Variants in CROT observed in about 807,000 individuals in gnomAD.
CROT encodes the protein carnitine O-octanoyltransferase.
A neutral mutation model predicts 89.2 loss-of-function variants in CROT; 84 were observed. That is an observed-to-expected ratio of 0.94 (90% CI 0.79 to 1.13). The LOEUF (loss-of-function observed/expected upper bound fraction) is 1.13. CROT is among the 50% of genes most tolerant of loss of function. The pLI, the probability that CROT is intolerant of heterozygous loss-of-function variation, is 0.00. For synonymous variants in CROT, 212 were observed against 239.5 expected (o/e 0.89, Z 1.06); for missense variants, 711 against 727.8 (o/e 0.98, Z 0.27).
At chr7:87,359,935 G>C in intron 4 of CROT, 1 of 983,746 alleles carries the variant, frequency 1.0e-6, no homozygotes. Context: ...CAAAAGCATT[G>C]CCTTAGTCTA....
At chr7:87,359,094 A>G in intron 3 of CROT, 112 bp from the exon 4 acceptor site, 1 of 740,068 alleles carries the variant, frequency 1.4e-6, no homozygotes, top group East Asian at 2.6e-5. Context: ...GCTATTTAAT[A>G]CAGTACTGTG....
intron 7 of CROT, among the ~76,000 whole-genome samples, chr7:87,372,360 T>C (rs573398404): frequency 1.2e-4 from 18 of 152,352 alleles, no homozygotes; most frequent in African/African-American, 4.3e-4. Context: ...TTTGCTTTTG[T>C]ATCTTGGATA....
At chr7:87,383,124 GT>G (rs1177907468) in intron 13 of CROT, among the ~76,000 whole-genome samples, 2 of 152,094 alleles carry the variant, frequency 1.3e-5, no homozygotes, top group Non-Finnish European at 2.9e-5. Flanking sequence ...AATGTTCCAA[GT>G]CTTCTCTTCT....
intron 13 of CROT, among the ~76,000 whole-genome samples, chr7:87,385,268 T>C (rs1261512969): frequency 1.3e-5 from 2 of 152,110 alleles, no homozygotes; most frequent in African/African-American, 2.4e-5. Context: ...GCATTGAATA[T>C]GTAGATTGCT....
chr7:87,353,068 G>T (rs185199306), intron 3 of CROT, among the ~76,000 whole-genome samples: 1 of 152,282 alleles, frequency 6.6e-6, no homozygotes, highest in Non-Finnish European at 1.5e-5. Context: ...TAACTGTAAG[G>T]CACAAGGATT....
At position 87,398,764 on chromosome 7, in the gene CROT, A is replaced by G; in HGVS notation, c.*120A>G. On this transcript the variant is annotated 3_prime_UTR_variant, in exon 18 of 18. Transcript: ENST00000331536. The stretch of plus-strand genomic sequence containing the variant: ...GCTAACATTCCTTTAACAAGTTAAG[A>G]AAACTTGTTAAATGTAGAAATTAGT... 2.2e-6 allele frequency: 2 copies of G among 893,772 alleles called. No homozygotes were observed. The highest frequency in any genetic ancestry group is 3.3e-6 in the Non-Finnish European group (2 of 598,242). The allele number at this position is 893,772 out of a possible 1,614,324, so 55.4% of individuals were successfully genotyped here. A position where few individuals can be genotyped will look rare whatever the true frequency, so the allele number is the denominator to read the frequency against.
Position 87,398,760 on chromosome 7 carries a change from T to C in CROT, c.*116T>C. 1.0e-6 allele frequency: 1 copy of C among 956,536 alleles called. No individual in the cohort carries two copies. Among genetic ancestry groups the C allele is most frequent in the Non-Finnish European group, 1.5e-6 (1 of 651,956 alleles). 59.3% of individuals were successfully genotyped at this position (956,536 alleles called of 1,614,324 possible). A position where few individuals can be genotyped will look rare whatever the true frequency, so the allele number is the denominator to read the frequency against. ...ACTTGCTAACATTCCTTTAACAAGTTAAGAAAACTTGTTAAATGTAGAAAT... is the reference window on the plus strand; with the variant it reads ...ACTTGCTAACATTCCTTTAACAAGTCAAGAAAACTTGTTAAATGTAGAAAT... On this transcript the variant is annotated 3_prime_UTR_variant, in exon 18 of 18. Transcript: ENST00000331536.
chr7:87,351,330 A>T (rs996317931), intron 3 of CROT, among the ~76,000 whole-genome samples: 1 of 151,228 alleles, frequency 6.6e-6, no homozygotes, highest in Admixed American at 6.6e-5. Flanking sequence ...AAAAAAAAAA[A>T]AAGAAAAGGA....
In CROT at chr7:87,381,963, G is replaced by T. The variant is rs778814211; in HGVS notation, c.1032G>T (p.Glu344Asp). 6.2e-7 allele frequency: 1 copy of T among 1,610,814 alleles called. No homozygotes were observed. Among genetic ancestry groups the T allele is most frequent in the South Asian group, 1.1e-5 (1 of 90,230 alleles). ...TGAACATCAGTTATTATGTGGATGA[G>T]AAAATTTTTCAGAATGAAGGAAGAT... ...IMVNISYYVDEKIFQNEGRWK... is the reference protein window; with the variant it reads ...IMVNISYYVDDKIFQNEGRWK... The change falls in exon 11 of 18, where the codon GAG (glutamate) becomes GAT (aspartate). Residue 344 changes from glutamate (E) to aspartate (D), a missense_variant. By Grantham distance (45) the Glu-to-Asp change is conservative (BLOSUM62 2). Transcript: ENST00000331536.
chr7:87,376,815 C>A lies in CROT; in HGVS notation c.877-534C>A, dbSNP rs75407868. On this transcript the variant is annotated intron_variant, in intron 9 of 17. Coordinates refer to ENST00000331536, the MANE Select transcript of CROT (RefSeq NM_021151.4). ...TATAAAATAGGAGTTTCACAGAGCA[C>A]TAATTACTTTTATTGTCTGTGAGGT... Among the ~76,000 whole-genome samples the A allele has an allele frequency of 2.6e-3, 395 of 152,080 alleles. 1 individual carries two copies. Among genetic ancestry groups the A allele is most frequent in the African/African-American group, 9.0e-3 (372 of 41,506 alleles).
intron 4 of CROT, chr7:87,359,593 C>A: frequency 8.3e-7 from 1 of 1,211,870 alleles, no homozygotes. Context: ...TTTTAACAAT[C>A]ACTTCATGTG....
chr7:87,370,036 T>G (rs1198100394), intron 7 of CROT, among the ~76,000 whole-genome samples: 2 of 152,096 alleles, frequency 1.3e-5, no homozygotes, highest in East Asian at 3.9e-4. Flanking sequence ...CTATACCTCT[T>G]TTACCTTTTC....
chr7:87,375,500 G>T, intron 7 of CROT, 132 bp from the exon 8 acceptor site: 1 of 585,810 alleles, frequency 1.7e-6, no homozygotes, highest in Non-Finnish European at 3.0e-6. Context: ...GAAATCTATT[G>T]GCATCATAAG....
chr7:87,398,259 A>T, intron 17 of CROT: 1 of 614,836 alleles, frequency 1.6e-6, no homozygotes, highest in Non-Finnish European at 3.0e-6. Context: ...TAAACGCAGT[A>T]AGACCTAGCT....
chr7:87,346,068 C>T (rs1397672750), intron 1 of CROT, among the ~76,000 whole-genome samples: 1 of 152,146 alleles, frequency 6.6e-6, no homozygotes, highest in African/African-American at 2.4e-5. Flanking sequence ...CACTCTGCGA[C>T]GAACCTGTTA....
At chr7:87,370,251 C>T (rs528094496) in intron 7 of CROT, among the ~76,000 whole-genome samples, 18 of 152,208 alleles carry the variant, frequency 1.2e-4, no homozygotes, top group Admixed American at 7.2e-4. Context: ...GGCACAATCT[C>T]GGCTCACTGC....
At chr7:87,391,834 T>A (rs1807370202) in intron 14 of CROT, 122 bp downstream of exon 14, 1 of 980,006 alleles carries the variant, frequency 1.0e-6, no homozygotes, top group Admixed American at 3.2e-5. Context: ...CTTTGAGACA[T>A]CTTTTCTGAG....
intron 2 of CROT, among the ~76,000 whole-genome samples, chr7:87,347,451 G>A (rs1382819518): frequency 6.6e-6 from 1 of 152,184 alleles, no homozygotes; most frequent in East Asian, 1.9e-4. Context: ...TGCCCTAGGG[G>A]CACATGGCTA....
At chr7:87,395,201 A>G (rs969399672) in intron 17 of CROT, among the ~76,000 whole-genome samples, 1 of 152,204 alleles carries the variant, frequency 6.6e-6, no homozygotes, top group Non-Finnish European at 1.5e-5. Context: ...TCCAACGTTC[A>G]AGGCCAGGAA....
Sources: allele counts gnomAD v4.1 joint callset (sites outside exome capture counted in the v4.1 genomes callset), GRCh38; gene constraint gnomAD v4.1.1; transcripts MANE v1.5; gene names NCBI Gene and HGNC (gene_info 2026-07-23, HGNC 2026-07-21).